ABCG8: variants seen among roughly 807,000 people sequenced by gnomAD.
ABCG8 encodes the protein ATP-binding cassette sub-family G member 8.
A neutral mutation model predicts 71.3 loss-of-function variants in ABCG8; 81 were observed. The observed-to-expected ratio is 1.14, with a 90% confidence interval of 0.95 to 1.37. The LOEUF (loss-of-function observed/expected upper bound fraction) is 1.37, where lower values mean the gene tolerates loss of function less well. Among genes scored for constraint, ABCG8 ranks in the 40% most tolerant of loss-of-function variants. The pLI, the probability that ABCG8 is intolerant of heterozygous loss-of-function variation, is 0.00. For synonymous variants in ABCG8, 451 were observed against 354.7 expected (o/e 1.27, Z -3.05); for missense variants, 1,119 against 866.2 (o/e 1.29, Z -3.66).
chr2:43,877,354 G>C, intron 11 of ABCG8, among the ~76,000 whole-genome samples: 1 of 151,414 alleles, frequency 6.6e-6, no homozygotes, highest in East Asian at 1.9e-4. Context: ...GTGGGAATAT[G>C]GGGAGATCGT....
Position 43,844,565 on chromosome 2 carries a change from G to A in ABCG8, c.122G>A (p.Ser41Asn), listed in dbSNP as rs772660192. Reference sequence around the variant, plus strand: ...GACAACAGCCTGTACTTCACCTACAGTGGCCAGCCCAACACCCTGGAGGTC... The same window carrying A: ...GACAACAGCCTGTACTTCACCTACAATGGCCAGCCCAACACCCTGGAGGTC... ...ESDNSLYFTY[S>N]GQPNTLEVRD... is the part of the protein sequence containing the mutation. The change falls in exon 2 of 13, where the codon AGT becomes AAT. Residue 41 changes from serine (S) to asparagine (N), a missense_variant. By Grantham distance (46) the Ser-to-Asn change is conservative. Coordinates refer to ENST00000272286, the MANE Select transcript of ABCG8 (RefSeq NM_022437.3). 4 of 1,614,172 alleles carry A rather than the reference G, an allele frequency of 2.5e-6. No individual in the cohort carries two copies. Among genetic ancestry groups the A allele is most frequent in the Non-Finnish European group, 3.4e-6 (4 of 1,180,032 alleles).
At chr2:43,842,762 A>C (rs952293043) in intron 1 of ABCG8, among the ~76,000 whole-genome samples, 4 of 142,154 alleles carry the variant, frequency 2.8e-5, no homozygotes, top group Non-Finnish European at 6.1e-5. Context: ...CTCCTGAATT[A>C]GGTGTTTATC....
intron 6 of ABCG8, among the ~76,000 whole-genome samples, chr2:43,865,661 C>G (rs879258256): frequency 0.01 from 1,546 of 148,268 alleles, 5 homozygotes; most frequent in Middle Eastern, 0.043. Context: ...CACTCTCTCT[C>G]TGGATAGAAT....
intron 8 of ABCG8, among the ~76,000 whole-genome samples, chr2:43,873,189 A>AT (rs71393209): frequency 0.034 from 4,748 of 140,472 alleles, 189 homozygotes; most frequent in African/African-American, 0.095. Context: ...TTGAGCGTAC[A>AT]TTTTTTTTTT....
chr2:43,846,843 G>T, intron 3 of ABCG8: 1 of 188,602 alleles, frequency 5.3e-6, no homozygotes, highest in East Asian at 1.3e-4. Context: ...GAGAATGTCT[G>T]AGCTGAAAGG....
rs147194762 is a variant in ABCG8, at chr2:43,873,860, A to G, written c.1285A>G (p.Met429Val). Residue 429 changes from methionine (M) to valine (V), a missense_variant, in exon 9 of 13, where the codon ATG becomes GTG. Physicochemically the swap from Met to Val is conservative, Grantham distance 21. Transcript: ENST00000272286. ...IHGAEACLMS[M>V]TIGFLYFGHG... ...TGGGGCGGAGGCCTGTCTGATGTCAATGACCATCGGCTTCCTCTATTTTGG... is the reference window on the plus strand; with the variant it reads ...TGGGGCGGAGGCCTGTCTGATGTCAGTGACCATCGGCTTCCTCTATTTTGG... 4.2e-4 allele frequency: 677 copies of G among 1,614,042 alleles called. 7 individuals carry two copies. The East Asian group carries it at 0.012, about 28-fold the overall frequency.
intron 6 of ABCG8, among the ~76,000 whole-genome samples, chr2:43,863,026 G>C (rs1454499931): frequency 1.4e-5 from 2 of 144,662 alleles, no homozygotes; most frequent in Non-Finnish European, 3.1e-5. Context: ...TCACCATCTG[G>C]ATAGAATTCT....
At chr2:43,870,529 T>C (rs72798832) in intron 6 of ABCG8, among the ~76,000 whole-genome samples, 8,117 of 149,590 alleles carry the variant, frequency 0.054, 247 homozygotes, top group Middle Eastern at 0.13. Context: ...TTCTCACCCT[T>C]TGGATAGAAC....
Position 43,877,542 on chromosome 2 carries a change from C to G in ABCG8, c.1757-19C>G. 6.2e-7 allele frequency: 1 copy of G among 1,613,268 alleles called. No individual in the cohort carries two copies. Among genetic ancestry groups the G allele is most frequent in the Non-Finnish European group, 8.5e-7 (1 of 1,179,972 alleles). On this transcript the variant is annotated intron_variant, in intron 11 of 12. Transcript: ENST00000272286. ...GAATATGAGGGACACCTGTGAGTAA[C>G]GCGGCTGTCTGTCTCCAGTGCCCGC...
chr2:43,844,486 C>G (rs4148209), intron 1 of ABCG8, 21 bp from the exon 2 acceptor site: 2 of 1,593,184 alleles, frequency 1.3e-6, no homozygotes, highest in South Asian at 2.2e-5. Flanking sequence ...AGGAGCCCCT[C>G]ATCTCTCCTG....
chr2:43,845,352 T>G (rs1668711891), intron 2 of ABCG8, among the ~76,000 whole-genome samples: 1 of 152,072 alleles, frequency 6.6e-6, no homozygotes, highest in Non-Finnish European at 1.5e-5. Flanking sequence ...AATGAGCCTT[T>G]CTCTGCTCTG....
chr2:43,868,723 T>G (rs1225141262), intron 6 of ABCG8, among the ~76,000 whole-genome samples: 1 of 151,812 alleles, frequency 6.6e-6, no homozygotes, highest in Non-Finnish European at 1.5e-5. Flanking sequence ...TGGATATAAT[T>G]CCCACTATCG....
In ABCG8 at chr2:43,878,231, A is replaced by C. The variant is rs1442591289; in HGVS notation, c.*318A>C. 4.6e-5 allele frequency: 18 copies of C among 391,714 alleles called. No individual in the cohort carries two copies. Among genetic ancestry groups the C allele is most frequent in the South Asian group, 3.6e-4 (17 of 47,366 alleles). The allele number at this position is 391,714 out of a possible 1,614,324, so 24.3% of individuals were successfully genotyped here. A position where few individuals can be genotyped will look rare whatever the true frequency, so the allele number is the denominator to read the frequency against. On this transcript the variant is annotated 3_prime_UTR_variant, in exon 13 of 13. Coordinates refer to ENST00000272286, the MANE Select transcript of ABCG8 (RefSeq NM_022437.3). ...AGGCAACTCGATATAGGATGGGAGC[A>C]AACTAGGAATGAATTGGGTAGCTAG...
At chr2:43,874,518 C>T (rs745743244) in intron 10 of ABCG8, 35 bp downstream of exon 10, 473 of 1,443,038 alleles carry the variant, frequency 3.3e-4, no homozygotes, top group Middle Eastern at 2.5e-3. Flanking sequence ...GTGCCCCCCA[C>T]CCACCAGGGT....
chr2:43,874,287 A>T (rs933365079), intron 9 of ABCG8, 120 bp from the exon 10 acceptor site: 1 of 975,878 alleles, frequency 1.0e-6, no homozygotes, highest in East Asian at 2.4e-5. Context: ...TTAAAAAAAA[A>T]AATTAGAGAC....
Position 43,875,534 on chromosome 2 carries a change from G to A in ABCG8, c.1756+121G>A, listed in dbSNP as rs746323721. ...ATCCAACTCGAGGCTGGCCCTTCTG[G>A]AAGCAGAGGCCTTTGCCCACTGCCC... On this transcript the variant is annotated intron_variant, in intron 11 of 12. Coordinates refer to ENST00000272286, the MANE Select transcript of ABCG8 (RefSeq NM_022437.3). The A allele has an allele frequency of 3.1e-6, 4 of 1,308,116 alleles. No individual in the cohort carries two copies. The African/African-American group carries it at 5.9e-5, about 19-fold the overall frequency. 81.0% of individuals were successfully genotyped at this position (1,308,116 alleles called of 1,614,324 possible). A position where few individuals can be genotyped will look rare whatever the true frequency, so the allele number is the denominator to read the frequency against.
Position 43,874,469 on chromosome 2 carries a change from T to C in ABCG8, c.1474T>C (p.Tyr492His). Residue 492 changes from tyrosine (Y) to histidine (H), a missense_variant, in exon 10 of 13, where the codon TAT becomes CAT. Tyr to His is a moderately conservative substitution (Grantham distance 83). Coordinates refer to ENST00000272286, the MANE Select transcript of ABCG8 (RefSeq NM_022437.3). Reference sequence around the variant, plus strand: ...AGACGGGCTGTACACCACTGGTCCATATTTCTTTGCCAAGGTGACTGGGCA... The same window carrying C: ...AGACGGGCTGTACACCACTGGTCCACATTTCTTTGCCAAGGTGACTGGGCA... ...LEDGLYTTGP[Y>H]FFAKILGELP... 2 of 1,613,520 alleles carry C rather than the reference T, an allele frequency of 1.2e-6. No individual in the cohort carries two copies. The highest frequency in any genetic ancestry group is 1.7e-6 in the Non-Finnish European group (2 of 1,179,776).
rs1426776095 is a variant in ABCG8 at position 43,846,284 on chromosome 2, C to A, written c.295C>A (p.Gln99Lys). ...CCTAAGCTTCAAAGTGAGAAGTGGGCAGATGCTGGCCATCATAGGGAGCTC... is the reference window on the plus strand; with the variant it reads ...CCTAAGCTTCAAAGTGAGAAGTGGGAAGATGCTGGCCATCATAGGGAGCTC... ...QNLSFKVRSG[Q>K]MLAIIGSSGC... The change falls in exon 3 of 13, where the codon CAG (glutamine) becomes AAG (lysine). Residue 99 changes from glutamine (Q) to lysine (K), a missense_variant. Physicochemically the swap from Gln to Lys is moderately conservative, Grantham distance 53 (BLOSUM62 1). Transcript: ENST00000272286. 1.2e-6 allele frequency: 2 copies of A among 1,614,068 alleles called. No homozygotes were observed. The highest frequency in any genetic ancestry group is 4.5e-5 in the East Asian group (2 of 44,896).
chr2:43,855,458 G>A (rs1379025146), intron 6 of ABCG8, among the ~76,000 whole-genome samples: 3 of 149,182 alleles, frequency 2.0e-5, no homozygotes, highest in Non-Finnish European at 4.5e-5. Context: ...GCATAGGACT[G>A]TCACTCTCTG....
Sources: gnomAD v4.1 joint callset for allele counts (sites outside exome capture counted in the v4.1 genomes callset) on GRCh38, gnomAD v4.1.1 for gene constraint, MANE v1.5 for transcripts, NCBI Gene and HGNC (gene_info 2026-07-23, HGNC 2026-07-21) for gene names.